Variants in INSR observed in about 807,000 individuals in gnomAD.
INSR encodes insulin receptor, also known as IR.
INSR carries 67 observed loss-of-function variants against 142.6 expected under a neutral mutation model. The ratio of observed to expected loss-of-function variants is 0.47; its 90% confidence interval spans 0.39 to 0.58. The LOEUF is 0.58. INSR is among the 20% of genes least tolerant of loss of function. INSR has a pLI of 0.00. For missense variants in INSR, 1,248 were observed against 1,833.2 expected (o/e 0.68, Z 5.83); for synonymous variants, 756 against 743.1 (o/e 1.02, Z -0.28).
At chr19:7,243,358 G>C (rs1976429030) in intron 2 of INSR, among the ~76,000 whole-genome samples, 1 of 141,554 alleles carries the variant, frequency 7.1e-6, no homozygotes, top group Non-Finnish European at 1.5e-5. Context: ...TGATTCTCCT[G>C]CCTCAGCTTC....
chr19:7,186,704 TTTTTTA>T (rs1974441759), intron 2 of INSR, among the ~76,000 whole-genome samples: 1 of 152,146 alleles, frequency 6.6e-6, no homozygotes, highest in East Asian at 1.9e-4. Flanking sequence ...TCTTTTCTTT[TTTTTTA>T]TTTTTATTTT....
At chr19:7,131,094 G>A (rs1381488472) in intron 14 of INSR, among the ~76,000 whole-genome samples, 1 of 151,352 alleles carries the variant, frequency 6.6e-6, no homozygotes, top group East Asian at 1.9e-4. Flanking sequence ...TGGTCAGGCT[G>A]GTCTCGAACT....
intron 2 of INSR, among the ~76,000 whole-genome samples, chr19:7,260,282 T>G (rs1241140310): frequency 2.0e-5 from 3 of 152,124 alleles, no homozygotes; most frequent in African/African-American, 4.8e-5. Flanking sequence ...ATATGTGGCA[T>G]CTCGGGTTGG....
intron 2 of INSR, among the ~76,000 whole-genome samples, chr19:7,212,365 C>T (rs6510961): frequency 0.042 from 6,392 of 152,222 alleles, 449 homozygotes; most frequent in African/African-American, 0.14. Flanking sequence ...ACTGCCATTC[C>T]CCATCATCCC....
chr19:7,256,503 A>G lies in INSR; in HGVS notation c.652+10842T>C, dbSNP rs150490257. Among the ~76,000 whole-genome samples the G allele has an allele frequency of 4.9e-3, 744 of 152,046 alleles. 3 individuals carry two copies. Among genetic ancestry groups the G allele is most frequent in the Non-Finnish European group, 7.2e-3 (492 of 67,976 alleles). On this transcript the variant is annotated intron_variant, in intron 2 of 21. Coordinates refer to ENST00000302850, the MANE Select transcript of INSR (RefSeq NM_000208.4). ...CTGGCTGGCACAGTGGCTCACACCT[A>G]TAATATAATGCAACAGTTTGGGAGG... is the stretch of plus-strand genomic sequence containing the variant.
At chr19:7,217,472 T>A (rs1975469160) in intron 2 of INSR, among the ~76,000 whole-genome samples, 1 of 152,180 alleles carries the variant, frequency 6.6e-6, no homozygotes, top group South Asian at 2.1e-4. Flanking sequence ...GGGAGAGGCA[T>A]CATTCAACCG....
chr19:7,128,428 G>A (rs934232093), intron 15 of INSR, among the ~76,000 whole-genome samples: 1 of 151,752 alleles, frequency 6.6e-6, no homozygotes, highest in African/African-American at 2.4e-5. Flanking sequence ...TGGCCAGGCT[G>A]GTCTCAAACT....
At chr19:7,122,000 G>C (rs972509840) in intron 19 of INSR, among the ~76,000 whole-genome samples, 1 of 152,098 alleles carries the variant, frequency 6.6e-6, no homozygotes, top group African/African-American at 2.4e-5. Context: ...AAAAGTAGCT[G>C]GGTGTGGTGG....
intron 2 of INSR, among the ~76,000 whole-genome samples, chr19:7,218,481 CTT>C (rs1170410679): frequency 6.6e-6 from 1 of 152,030 alleles, no homozygotes; most frequent in African/African-American, 2.4e-5. Context: ...CTTCTTGCCT[CTT>C]GTTTTTTGTT....
intron 1 of INSR, among the ~76,000 whole-genome samples, chr19:7,275,155 A>T (rs1968028174): frequency 6.6e-6 from 1 of 151,828 alleles, no homozygotes; most frequent in Non-Finnish European, 1.5e-5. Flanking sequence ...TTGTATTTTT[A>T]GTAGAGACAA....
At chr19:7,220,862 CAT>C (rs1975589924) in intron 2 of INSR, among the ~76,000 whole-genome samples, 1 of 152,122 alleles carries the variant, frequency 6.6e-6, no homozygotes, top group Non-Finnish European at 1.5e-5. Flanking sequence ...TGTAATTCCT[CAT>C]GTGGCAGCAT....
At chr19:7,273,760 G>A (rs1374173003) in intron 1 of INSR, among the ~76,000 whole-genome samples, 5 of 151,564 alleles carry the variant, frequency 3.3e-5, no homozygotes, top group Non-Finnish European at 7.4e-5. Flanking sequence ...CAGGTGATCC[G>A]CCCACCTCGG....
At chr19:7,202,764 G>A (rs1187197833) in intron 2 of INSR, among the ~76,000 whole-genome samples, 2 of 152,186 alleles carry the variant, frequency 1.3e-5, no homozygotes, top group African/African-American at 4.8e-5. Flanking sequence ...GCCTCCCAAA[G>A]TGCTGGGATT....
chr19:7,163,747 C>T (rs1454356810), intron 8 of INSR, among the ~76,000 whole-genome samples: 1 of 150,952 alleles, frequency 6.6e-6, no homozygotes, highest in Non-Finnish European at 1.5e-5. Flanking sequence ...GATGAATGAG[C>T]GGGGATTAAC....
chr19:7,148,976 G>C (rs1262624225), intron 11 of INSR, among the ~76,000 whole-genome samples: 1 of 150,390 alleles, frequency 6.6e-6, no homozygotes, highest in African/African-American at 2.5e-5. Flanking sequence ...TATGTTTCTT[G>C]TAGTAACGGG....
At chr19:7,156,453 C>A (rs1209334422) in intron 9 of INSR, among the ~76,000 whole-genome samples, 4 of 152,102 alleles carry the variant, frequency 2.6e-5, no homozygotes, top group Non-Finnish European at 5.9e-5. Flanking sequence ...TTGTCTCCTA[C>A]TAGGGACATT....
At chr19:7,244,351 G>A (rs1037498787) in intron 2 of INSR, among the ~76,000 whole-genome samples, 3 of 152,080 alleles carry the variant, frequency 2.0e-5, no homozygotes, top group Admixed American at 2.0e-4. Flanking sequence ...TGGCCAACAT[G>A]GTGAAACCCC....
chr19:7,181,169 C>T (rs577720625), intron 3 of INSR, among the ~76,000 whole-genome samples: 1 of 152,316 alleles, frequency 6.6e-6, no homozygotes, highest in South Asian at 2.1e-4. Context: ...TGGTCTCGAA[C>T]TCCTGACCTC....
In INSR at chr19:7,143,081, C is replaced by T; in HGVS notation, c.2277G>A (p.Arg759=). ...CAACATCGCCAAGGGACCTGCGTTT[C>T]CGAGATGGCCTGGAACGACAGTAGG... is the stretch of plus-strand genomic sequence containing the variant. The part of the protein sequence containing the change: ...GTGAEDPRPS[R]KRRSLGDVGN... The change falls in exon 12 of 22, where the codon CGG becomes CGA. Residue 759 remains arginine (R), a synonymous_variant. Coordinates refer to ENST00000302850, the MANE Select transcript of INSR (RefSeq NM_000208.4). 1.2e-6 allele frequency: 2 copies of T among 1,614,194 alleles called. No homozygotes were observed. Among genetic ancestry groups the T allele is most frequent in the Non-Finnish European group, 1.7e-6 (2 of 1,180,046 alleles).
Sources: gnomAD v4.1 joint callset for allele counts (sites outside exome capture counted in the v4.1 genomes callset) on GRCh38, gnomAD v4.1.1 for gene constraint, MANE v1.5 for transcripts, NCBI Gene and HGNC (gene_info 2026-07-23, HGNC 2026-07-21) for gene names.